The following TULP4 variants were observed in gnomAD, a reference collection of about 807,000 sequenced individuals.
TULP4 encodes TUB like protein 4.
Under a neutral mutation model 129.0 loss-of-function variants are expected in TULP4, and 16 were observed. The ratio of observed to expected loss-of-function variants is 0.12; its 90% CI spans 0.08 to 0.19. TULP4 has a LOEUF of 0.19. Ranked by LOEUF, TULP4 falls within the 10% of genes least tolerant of loss-of-function variation. TULP4 has a pLI of 1.00. For missense variants in TULP4, 1,842 were observed against 2,059.1 expected (o/e 0.89, Z 2.04); for synonymous variants, 998 against 854.0 (o/e 1.17, Z -2.94).
Position 158,413,178 on chromosome 6 carries a change from C to T in TULP4, c.366C>T (p.Asn122=), listed in dbSNP as rs746355993. The part of the protein sequence containing the change: ...YEGRWSVELV[N]DRGAQVSDFT... ...GCAGGTGGTCTGTGGAGCTGGTCAACGACCGCGGGGCGCAGGTGAGTGGCA... is the reference window on the plus strand; with the variant it reads ...GCAGGTGGTCTGTGGAGCTGGTCAATGACCGCGGGGCGCAGGTGAGTGGCA... The change falls in exon 2 of 14, where the codon AAC becomes AAT. Residue 122 remains asparagine, a synonymous_variant. Transcript: ENST00000367097. The surrounding 1 kb of genome is among the most constrained non-coding windows in gnomAD (Gnocchi z 4.9). 105 of 1,612,334 alleles carry T rather than the reference C, an allele frequency of 6.5e-5. No homozygotes were observed. Among genetic ancestry groups the T allele is most frequent in the Admixed American group, 3.2e-4 (19 of 59,970 alleles).
intron 2 of TULP4, among the ~76,000 whole-genome samples, chr6:158,414,810 C>G (rs185051266): frequency 5.9e-5 from 9 of 152,274 alleles, no homozygotes; most frequent in Non-Finnish European, 1.2e-4. Context: ...GGATAAATGC[C>G]AAATGAGTGC....
intron 1 of TULP4, among the ~76,000 whole-genome samples, chr6:158,298,297 T>C (rs1002781506): frequency 1.4e-4 from 21 of 152,310 alleles, no homozygotes; most frequent in African/African-American, 4.8e-4. Context: ...ACGTACATCC[T>C]CAGCTTACAA....
chr6:158,412,181 T>TA (rs1233494368), intron 1 of TULP4, among the ~76,000 whole-genome samples: 2 of 152,202 alleles, frequency 1.3e-5, no homozygotes, highest in African/African-American at 2.4e-5. Flanking sequence ...AGCATGAATG[T>TA]AAAAAATGTG....
At chr6:158,385,680 A>T (rs1030719075) in intron 1 of TULP4, among the ~76,000 whole-genome samples, 150 of 148,702 alleles carry the variant, frequency 1.0e-3, no homozygotes, top group African/African-American at 3.5e-3. Flanking sequence ...CATGTTTTAT[A>T]TACATATAAT....
At chr6:158,415,381 G>C (rs1319178998) in intron 2 of TULP4, among the ~76,000 whole-genome samples, 1 of 135,592 alleles carries the variant, frequency 7.4e-6, no homozygotes, top group Non-Finnish European at 1.5e-5. Flanking sequence ...ACGGAGTCAC[G>C]CTCTGTCGCC....
intron 1 of TULP4, among the ~76,000 whole-genome samples, chr6:158,364,148 T>A (rs534055486): frequency 1.8e-4 from 28 of 152,286 alleles, no homozygotes; most frequent in African/African-American, 5.8e-4. Flanking sequence ...TTTTTAAATT[T>A]AAAAAAATAA....
At chr6:158,383,233 C>T (rs567536039) in intron 1 of TULP4, among the ~76,000 whole-genome samples, 5 of 152,274 alleles carry the variant, frequency 3.3e-5, no homozygotes, top group Admixed American at 3.3e-4. Flanking sequence ...TGTATGCCTC[C>T]CTGCTCTCAC....
chr6:158,241,709 C>G (rs1423815203), intron 1 of TULP4, among the ~76,000 whole-genome samples: 3 of 152,172 alleles, frequency 2.0e-5, no homozygotes, highest in African/African-American at 4.8e-5. Flanking sequence ...ATTCTTCTGC[C>G]TCAGCCTCCC....
chr6:158,400,076 A>G (rs1347475715), intron 1 of TULP4, among the ~76,000 whole-genome samples: 1 of 152,230 alleles, frequency 6.6e-6, no homozygotes, highest in Non-Finnish European at 1.5e-5. Flanking sequence ...TTAACCAGAT[A>G]AAGTGTTTAC....
intron 1 of TULP4, among the ~76,000 whole-genome samples, chr6:158,294,471 C>T (rs886920694): frequency 3.1e-4 from 47 of 151,952 alleles, no homozygotes; most frequent in African/African-American, 9.2e-4. Context: ...AGAAGGGCAA[C>T]GAAGGGAGGC....
rs546222506 is a variant in TULP4 at position 158,323,286 on chromosome 6, C to T, written c.252+9018C>T. 2.6e-5 allele frequency among the ~76,000 whole-genome samples: 4 copies of T among 152,276 alleles called. No individual in the cohort carries two copies. In the East Asian group the frequency reaches 7.7e-4, roughly 29 times the overall value. On this transcript the variant is annotated intron_variant, in intron 1 of 13. Coordinates refer to ENST00000367097, the MANE Select transcript of TULP4 (RefSeq NM_020245.5). ...AGCATGCTACACTTTTTATTAGTTT[C>T]CATGGCAGATGGTTAAACTAGGGTG...
rs34200003 is a variant in TULP4, at chr6:158,440,317, CAAAAAAAAA to C, written c.544-8663_544-8655del. ...TGGATGACAGAGTGAGTCCCTGTCT[CAAAAAAAAA>C]AAAAAAAAAAAAAAATCCACAAACC... is the stretch of plus-strand genomic sequence containing the variant. On this transcript the variant is annotated intron_variant, in intron 3 of 13. Transcript: ENST00000367097. 2.7e-4 allele frequency among the ~76,000 whole-genome samples: 23 copies of C among 86,006 alleles called. No individual in the cohort carries two copies. The South Asian group carries it at 0.012, about 45-fold the overall frequency. The allele number at this position is 86,006 out of a possible 152,430, so 56.4% of individuals were successfully genotyped here.
intron 1 of TULP4, among the ~76,000 whole-genome samples, chr6:158,395,737 A>G (rs1777700522): frequency 6.6e-6 from 1 of 151,148 alleles, no homozygotes; most frequent in Non-Finnish European, 1.5e-5. Context: ...GGAAGCCAAG[A>G]GTGGGAACAT....
At chr6:158,492,199 T>C (rs566728536) in intron 9 of TULP4, among the ~76,000 whole-genome samples, 1 of 152,326 alleles carries the variant, frequency 6.6e-6, no homozygotes, top group South Asian at 2.1e-4. Flanking sequence ...GTCAGATATC[T>C]GTATGGCCAT....
chr6:158,481,646 TA>T (rs1779948186), intron 8 of TULP4: 1 of 305,486 alleles, frequency 3.3e-6, no homozygotes, highest in Non-Finnish European at 6.3e-6. Context: ...TTGAAAATAA[TA>T]ACAAGATACA....
intron 4 of TULP4, 87 bp from the exon 5 acceptor site, chr6:158,452,047 A>G (rs1779173053): frequency 6.4e-7 from 1 of 1,563,922 alleles, no homozygotes; most frequent in Admixed American, 1.8e-5. Flanking sequence ...GGCAATTTCT[A>G]AGGCACCATG....
intron 1 of TULP4, among the ~76,000 whole-genome samples, chr6:158,396,793 C>A (rs907012798): frequency 3.3e-5 from 5 of 152,108 alleles, no homozygotes; most frequent in African/African-American, 1.2e-4. Context: ...TAAATAGTCA[C>A]AAGGAGGAAA....
At chr6:158,434,882 A>G (rs1278149943) in intron 3 of TULP4, among the ~76,000 whole-genome samples, 1 of 152,232 alleles carries the variant, frequency 6.6e-6, no homozygotes, top group African/African-American at 2.4e-5. Flanking sequence ...ATGTGGAAGA[A>G]TTTTGTGGTA....
intron 1 of TULP4, among the ~76,000 whole-genome samples, chr6:158,373,723 T>C (rs766684509): frequency 1.6e-4 from 25 of 152,212 alleles, no homozygotes; most frequent in Non-Finnish European, 3.1e-4. Flanking sequence ...CCAGAACTTA[T>C]TTATAATACT....
Sources: allele counts gnomAD v4.1 joint callset (sites outside exome capture counted in the v4.1 genomes callset), GRCh38; gene constraint gnomAD v4.1.1; non-coding constraint Gnocchi (gnomAD v3.1); transcripts MANE v1.5; gene names NCBI Gene and HGNC (gene_info 2026-07-23, HGNC 2026-07-21).